The following NT5C2 variants were observed in gnomAD, a reference collection of about 807,000 sequenced individuals.
NT5C2 encodes cytosolic purine 5'-nucleotidase.
NT5C2 carries 58 observed loss-of-function variants against 76.1 expected under a neutral mutation model. The ratio of observed to expected loss-of-function variants is 0.76; its 90% CI spans 0.62 to 0.95. NT5C2 has a LOEUF of 0.95. Ranked by LOEUF, NT5C2 falls within the 40% of genes least tolerant of loss-of-function variation. The probability of loss-of-function intolerance (pLI) is 0.00; values close to 1 mark genes in which losing one functional copy is unlikely to be tolerated. For missense variants in NT5C2, 478 were observed against 690.3 expected (o/e 0.69, Z 3.45); for synonymous variants, 229 against 237.4 (o/e 0.96, Z 0.32).
chr10:103,125,072 C>T (rs537673216), intron 4 of NT5C2: 137 of 294,024 alleles, frequency 4.7e-4, no homozygotes, highest in African/African-American at 2.7e-3. Flanking sequence ...TGCTTCTTCA[C>T]GGTCTATGAT....
intron 3 of NT5C2, among the ~76,000 whole-genome samples, chr10:103,156,095 T>C (rs1033373681): frequency 2.3e-4 from 35 of 151,906 alleles, no homozygotes; most frequent in African/African-American, 7.7e-4. Context: ...GAGGTCAAGG[T>C]GACCACAGTG....
At chr10:103,153,982 CA>C (rs2082851785) in intron 3 of NT5C2, among the ~76,000 whole-genome samples, 1 of 152,054 alleles carries the variant, frequency 6.6e-6, no homozygotes, top group Non-Finnish European at 1.5e-5. Flanking sequence ...CTGAAAATTT[CA>C]GCTCATGTGA....
intron 3 of NT5C2, among the ~76,000 whole-genome samples, chr10:103,161,790 T>TA (rs1229251156): frequency 2.6e-5 from 4 of 152,076 alleles, no homozygotes; most frequent in African/African-American, 9.7e-5. Flanking sequence ...CAGAAGGCCA[T>TA]AAACTGTATA....
In NT5C2 at chr10:103,089,694, T is replaced by TC; in HGVS notation, c.1663dup (p.Glu555GlyfsTer19). 6.2e-7 allele frequency: 1 copy of TC among 1,609,538 alleles called. No individual in the cohort carries two copies. Among genetic ancestry groups the TC allele is most frequent in the Non-Finnish European group, 8.5e-7 (1 of 1,177,742 alleles). ...TCCTTATTCTTCCTCCTCCTCCTCC[T>TC]CTTCATCATCATCTTCGTCATGGCA... On this transcript the variant is annotated frameshift_variant, in exon 19 of 19. Transcript: ENST00000404739. LOFTEE classifies it high-confidence loss of function.
At position 103,093,107 on chromosome 10, in the gene NT5C2, T is replaced by G. The variant is rs868144228; in HGVS notation, c.1159+32A>C. On this transcript the variant is annotated intron_variant, in intron 15 of 18. Coordinates refer to ENST00000404739, the MANE Select transcript of NT5C2 (RefSeq NM_001351169.2). ...TGATTCAAAGCTGGTCATTTAGATATAAATTACACCAAAGATTTATGAATG... is the reference window on the plus strand; with the variant it reads ...TGATTCAAAGCTGGTCATTTAGATAGAAATTACACCAAAGATTTATGAATG... The G allele has an allele frequency of 2.7e-6, 4 of 1,507,640 alleles. No individual in the cohort carries two copies. In the Middle Eastern group the frequency reaches 7.0e-4, roughly 266 times the overall value. 93.4% of individuals were successfully genotyped at this position (1,507,640 alleles called of 1,614,324 possible). A position where few individuals can be genotyped will look rare whatever the true frequency, so the allele number is the denominator to read the frequency against.
chr10:103,164,303 G>A (rs1405362757), intron 3 of NT5C2, among the ~76,000 whole-genome samples: 1 of 152,040 alleles, frequency 6.6e-6, no homozygotes, highest in Non-Finnish European at 1.5e-5. Flanking sequence ...CTGTCGCCAG[G>A]CTGGAGTGCA....
intron 4 of NT5C2, among the ~76,000 whole-genome samples, chr10:103,110,917 G>A (rs2072852239): frequency 6.6e-6 from 1 of 151,988 alleles, no homozygotes; most frequent in Non-Finnish European, 1.5e-5. Context: ...GTGACCTGGT[G>A]GCAAAAATTC....
chr10:103,101,151 A>G, intron 7 of NT5C2, 49 bp from the exon 8 acceptor site: 1 of 1,483,904 alleles, frequency 6.7e-7, no homozygotes, highest in Non-Finnish European at 9.4e-7. Context: ...AATAATTCAA[A>G]CTTATTTCAT....
chr10:103,166,387 T>C (rs896704817), intron 3 of NT5C2, among the ~76,000 whole-genome samples: 2 of 152,156 alleles, frequency 1.3e-5, no homozygotes, highest in Non-Finnish European at 2.9e-5. Context: ...CCATACAGAG[T>C]GTAACCTTTT....
At chr10:103,192,919 G>T (rs1420412056) in intron 1 of NT5C2, among the ~76,000 whole-genome samples, 1 of 152,172 alleles carries the variant, frequency 6.6e-6, no homozygotes, top group Non-Finnish European at 1.5e-5. Context: ...GCTGAGGCGG[G>T]GTCCCAGCGA....
At chr10:103,125,266 G>T (rs550762759) in intron 4 of NT5C2, 8 of 676,318 alleles carry the variant, frequency 1.2e-5, no homozygotes, top group Admixed American at 1.0e-4. Flanking sequence ...TTTCAAATTC[G>T]CCAATGGAAC....
chr10:103,177,077 T>C (rs780339152), intron 2 of NT5C2, among the ~76,000 whole-genome samples: 1 of 152,164 alleles, frequency 6.6e-6, no homozygotes, highest in Non-Finnish European at 1.5e-5. Context: ...GTCATCCCTT[T>C]AAAAGATAAA....
chr10:103,185,665 G>GAAAAAAAAAA (rs75386040), intron 1 of NT5C2, among the ~76,000 whole-genome samples: 1 of 116,416 alleles, frequency 8.6e-6, no homozygotes, highest in African/African-American at 3.1e-5. Flanking sequence ...AAAAAAAAAG[G>GAAAAAAAAAA]AAAAAAAAAA....
At chr10:103,144,484 TG>T (rs2081140832) in intron 3 of NT5C2, among the ~76,000 whole-genome samples, 1 of 152,250 alleles carries the variant, frequency 6.6e-6, no homozygotes, top group Admixed American at 6.5e-5. Flanking sequence ...CTTCTTTCTT[TG>T]TTAGAAAAGA....
chr10:103,149,448 T>G (rs182810639), intron 3 of NT5C2, among the ~76,000 whole-genome samples: 1 of 152,256 alleles, frequency 6.6e-6, no homozygotes, highest in Non-Finnish European at 1.5e-5. Context: ...GTAGGAAATA[T>G]AAGAGAGGGC....
At chr10:103,142,480 A>C (rs371942155) in intron 3 of NT5C2, among the ~76,000 whole-genome samples, 1 of 152,130 alleles carries the variant, frequency 6.6e-6, no homozygotes, top group East Asian at 1.9e-4. Flanking sequence ...AAACCAGCCT[A>C]GGCAACATGG....
chr10:103,163,789 G>A (rs181769793), intron 3 of NT5C2, among the ~76,000 whole-genome samples: 1 of 148,960 alleles, frequency 6.7e-6, no homozygotes, highest in Non-Finnish European at 1.5e-5. Flanking sequence ...GGCTGAGGCA[G>A]GTGAATCACT....
intron 3 of NT5C2, 138 bp downstream of exon 3, chr10:103,174,720 A>T: frequency 2.4e-5 from 15 of 633,152 alleles, no homozygotes; most frequent in Middle Eastern, 2.6e-4. Flanking sequence ...GTCTCGACTT[A>T]GAACTAGATT....
intron 3 of NT5C2, among the ~76,000 whole-genome samples, chr10:103,157,247 C>T (rs977957833): frequency 3.0e-4 from 46 of 151,872 alleles, no homozygotes; most frequent in Admixed American, 2.8e-3. Context: ...AAAGCAAGAA[C>T]GAACTAATCC....
Sources: allele counts gnomAD v4.1 joint callset (sites outside exome capture counted in the v4.1 genomes callset), GRCh38; gene constraint gnomAD v4.1.1; transcripts MANE v1.5; gene names NCBI Gene and HGNC (gene_info 2026-07-23, HGNC 2026-07-21).